The following RPTOR variants were observed in gnomAD, a reference collection of about 807,000 sequenced individuals.
RPTOR encodes the protein regulatory-associated protein of mTOR.
In RPTOR, 21 loss-of-function variants were observed where a neutral mutation model predicts 169.9. That is an observed-to-expected ratio of 0.12 (90% CI 0.09 to 0.18). The LOEUF is 0.18. Ranked by LOEUF, RPTOR falls within the 10% of genes least tolerant of loss-of-function variation. The pLI, the probability that RPTOR is intolerant of heterozygous loss-of-function variation, is 1.00. For missense variants in RPTOR, 1,133 were observed against 1,855.9 expected (o/e 0.61, Z 7.16); for synonymous variants, 732 against 753.2 (o/e 0.97, Z 0.46).
chr17:80,627,424 A>G (rs1163792122), intron 2 of RPTOR, among the ~76,000 whole-genome samples: 1 of 152,260 alleles, frequency 6.6e-6, no homozygotes, highest in Admixed American at 6.5e-5. Flanking sequence ...ATCAATGTAT[A>G]GAATATTTCT....
chr17:80,848,733 C>T (rs554270628), intron 11 of RPTOR, among the ~76,000 whole-genome samples: 40 of 152,352 alleles, frequency 2.6e-4, no homozygotes, highest in Middle Eastern at 3.4e-3. Flanking sequence ...GTAAAATCGG[C>T]CCTCTCCAAA....
Position 80,793,286 on chromosome 17 carries a change from C to T in RPTOR, c.890+1777C>T, listed in dbSNP as rs1223027870. 2.0e-5 allele frequency among the ~76,000 whole-genome samples: 3 copies of T among 152,146 alleles called. No individual in the cohort carries two copies. In the East Asian group the frequency reaches 5.8e-4, roughly 29 times the overall value. On this transcript the variant is annotated intron_variant, in intron 7 of 33. Transcript: ENST00000306801. ...TTCGAAATCCGAAACGCTTCCGGTT[C>T]CAAGCATTTCAGATAAAGGGACACT... is the stretch of plus-strand genomic sequence containing the variant.
chr17:80,905,137 G>T (rs9898178), intron 20 of RPTOR, among the ~76,000 whole-genome samples: 24 of 151,876 alleles, frequency 1.6e-4, no homozygotes, highest in African/African-American at 5.6e-4. Context: ...TCCTTATAAT[G>T]CCAAACCCAG....
intron 5 of RPTOR, among the ~76,000 whole-genome samples, chr17:80,748,128 A>G (rs2629392): frequency 4.4e-5 from 5 of 114,858 alleles, no homozygotes; most frequent in Admixed American, 8.0e-5. Flanking sequence ...GGATGGAGGG[A>G]CTGCGGTGTG....
At chr17:80,682,991 G>A (rs571179022) in intron 3 of RPTOR, among the ~76,000 whole-genome samples, 1 of 152,234 alleles carries the variant, frequency 6.6e-6, no homozygotes, top group African/African-American at 2.4e-5. Context: ...TGTAGAGATG[G>A]GGTTTCAACA....
chr17:80,893,618 G>A, intron 19 of RPTOR, 89 bp from the exon 20 acceptor site: 1 of 1,486,824 alleles, frequency 6.7e-7, no homozygotes, highest in South Asian at 1.3e-5. Context: ...TTATTTAGAA[G>A]AAAATATGTA....
intron 1 of RPTOR, among the ~76,000 whole-genome samples, chr17:80,570,779 A>G (rs913883545): frequency 6.6e-5 from 10 of 152,166 alleles, no homozygotes; most frequent in Non-Finnish European, 2.9e-5. Flanking sequence ...GATTCTTTAC[A>G]GTGAATAAGT....
rs182978631 is a variant in RPTOR, at chr17:80,860,166, C to T, written c.1509+2266C>T. 3.9e-5 allele frequency among the ~76,000 whole-genome samples: 6 copies of T among 152,344 alleles called. No individual in the cohort carries two copies. The highest frequency in any genetic ancestry group is 2.4e-5 in the African/African-American group (1 of 41,576). On this transcript the variant is annotated intron_variant, in intron 13 of 33. Coordinates refer to ENST00000306801, the MANE Select transcript of RPTOR (RefSeq NM_020761.3). This position sits in a 1 kb window ranked among gnomAD's most constrained non-coding sequence, Gnocchi z 5.8. ...CCAGGCCACATTCTGTCAGCTCCTC[C>T]GTCCAGTCACTGGCACTGAGACCCA...
chr17:80,665,385 T>G (rs1195327971), intron 3 of RPTOR, among the ~76,000 whole-genome samples: 17 of 5,618 alleles, frequency 3.0e-3, no homozygotes, highest in African/African-American at 6.5e-3. Flanking sequence ...TTCCTTTCCT[T>G]TCCTTTCCTT....
intron 28 of RPTOR, among the ~76,000 whole-genome samples, chr17:80,951,808 G>A (rs1247443254): frequency 6.6e-6 from 1 of 152,234 alleles, no homozygotes; most frequent in Non-Finnish European, 1.5e-5. Flanking sequence ...GGGTCGGGCT[G>A]TGCCATGTCC....
chr17:80,656,140 G>A (rs2038573033), intron 3 of RPTOR, among the ~76,000 whole-genome samples: 1 of 152,094 alleles, frequency 6.6e-6, no homozygotes, highest in African/African-American at 2.4e-5. Flanking sequence ...GCGCAATCTC[G>A]GCTCACCGCA....
chr17:80,843,015 T>C (rs564414358), intron 10 of RPTOR, among the ~76,000 whole-genome samples: 2 of 152,370 alleles, frequency 1.3e-5, no homozygotes, highest in East Asian at 3.9e-4. Flanking sequence ...CGTGACACTT[T>C]CTAAGCTGGT....
chr17:80,602,781 A>C, intron 1 of RPTOR: 1 of 711,050 alleles, frequency 1.4e-6, no homozygotes, highest in Non-Finnish European at 2.6e-6. Flanking sequence ...AAATTTCCGA[A>C]TCTCTCTGAG....
intron 16 of RPTOR, 142 bp downstream of exon 16, chr17:80,884,114 G>C (rs568554462): frequency 1.2e-6 from 1 of 830,952 alleles, no homozygotes; most frequent in Non-Finnish European, 1.8e-6. Flanking sequence ...AGGACAGTGG[G>C]ACCTTGGTGA....
chr17:80,725,588 C>T (rs896071980), intron 4 of RPTOR, among the ~76,000 whole-genome samples: 8 of 152,104 alleles, frequency 5.3e-5, no homozygotes, highest in Non-Finnish European at 2.9e-5. Flanking sequence ...CACAGGACAA[C>T]GAGGAGTGAC....
intron 1 of RPTOR, among the ~76,000 whole-genome samples, chr17:80,584,518 A>G (rs540499327): frequency 7.9e-5 from 12 of 151,910 alleles, no homozygotes; most frequent in Non-Finnish European, 1.0e-4. Context: ...TCATCTGCGG[A>G]TGGAGGGAAG....
intron 6 of RPTOR, among the ~76,000 whole-genome samples, chr17:80,761,938 A>G (rs1230376993): frequency 6.6e-6 from 1 of 152,178 alleles, no homozygotes; most frequent in African/African-American, 2.4e-5. Flanking sequence ...GTCGTAGGCA[A>G]GTTTAATTTG....
At chr17:80,790,614 C>G (rs1045498470) in intron 6 of RPTOR, among the ~76,000 whole-genome samples, 22 of 152,316 alleles carry the variant, frequency 1.4e-4, no homozygotes, top group Non-Finnish European at 8.8e-5. Context: ...TGCACCCTCC[C>G]CTGGGCCACT....
At chr17:80,698,339 A>G (rs2066054841) in intron 3 of RPTOR, among the ~76,000 whole-genome samples, 1 of 139,550 alleles carries the variant, frequency 7.2e-6, no homozygotes, top group East Asian at 2.2e-4. Flanking sequence ...TGTGGGAGCC[A>G]TCTAGGTACA....
Sources: allele counts gnomAD v4.1 joint callset (sites outside exome capture counted in the v4.1 genomes callset), GRCh38; gene constraint gnomAD v4.1.1; non-coding constraint Gnocchi (gnomAD v3.1); transcripts MANE v1.5; gene names NCBI Gene and HGNC (gene_info 2026-07-23, HGNC 2026-07-21).